Variants in MTUS2 observed in about 807,000 individuals in gnomAD.
The protein encoded by MTUS2 is microtubule associated scaffold protein 2, also known as microtubule-associated tumor suppressor candidate 2.
Under a neutral mutation model 114.1 loss-of-function variants are expected in MTUS2, and 40 were observed. The observed-to-expected ratio is 0.35, with a 90% CI of 0.27 to 0.46. The LOEUF (loss-of-function observed/expected upper bound fraction) is 0.46, where lower values mean the gene tolerates loss of function less well. Among genes scored for constraint, MTUS2 ranks in the 20% least tolerant of loss-of-function variants. The probability of loss-of-function intolerance (pLI) is 1.00; values close to 1 mark genes in which losing one functional copy is unlikely to be tolerated. For missense variants in MTUS2, 1,679 were observed against 1,705.4 expected (o/e 0.98, Z 0.27); for synonymous variants, 688 against 672.0 (o/e 1.02, Z -0.37).
chr13:29,358,085 G>C lies in MTUS2; in HGVS notation c.2906-1177G>C, dbSNP rs1869900498. Among the ~76,000 whole-genome samples the C allele has an allele frequency of 7.9e-5, 12 of 152,260 alleles. No homozygotes were observed. In the South Asian group the frequency reaches 2.5e-3, roughly 32 times the overall value. On this transcript the variant is annotated intron_variant, in intron 7 of 15. Coordinates refer to ENST00000612955, the MANE Select transcript of MTUS2 (RefSeq NM_001033602.4). Reference sequence around the variant, plus strand: ...ACATTTGAAATATTAGTGGATTTATGATTGTGCTGGTCAGTGTCTGTGTCA... The same window carrying C: ...ACATTTGAAATATTAGTGGATTTATCATTGTGCTGGTCAGTGTCTGTGTCA...
intron 2 of MTUS2, among the ~76,000 whole-genome samples, chr13:28,909,440 C>T (rs1470429149): frequency 6.6e-6 from 1 of 152,068 alleles, no homozygotes; most frequent in Non-Finnish European, 1.5e-5. Flanking sequence ...GTATTTTATT[C>T]TCTTTGAAGC....
intron 9 of MTUS2, among the ~76,000 whole-genome samples, chr13:29,450,171 A>T (rs1878587299): frequency 6.6e-6 from 1 of 152,182 alleles, no homozygotes; most frequent in African/African-American, 2.4e-5. Flanking sequence ...CAGGAACTGC[A>T]CTTGACTATA....
intron 5 of MTUS2, among the ~76,000 whole-genome samples, chr13:29,247,508 C>A (rs1175059694): frequency 6.6e-6 from 1 of 152,162 alleles, no homozygotes; most frequent in East Asian, 1.9e-4. Flanking sequence ...AACTATGCAT[C>A]TGATAAAGGA....
intron 7 of MTUS2, among the ~76,000 whole-genome samples, chr13:29,325,558 GGAA>G (rs200961450): frequency 3.5e-4 from 50 of 144,890 alleles, no homozygotes; most frequent in African/African-American, 1.0e-3. Context: ...AGGAAGAAGA[GGAA>G]GAAGAAGAAG....
At chr13:29,402,649 G>A (rs9551670) in intron 8 of MTUS2, among the ~76,000 whole-genome samples, 25,415 of 152,102 alleles carry the variant, frequency 0.17, 2,825 homozygotes, top group African/African-American at 0.32. Flanking sequence ...AGTTGCCAGA[G>A]CTATTTTGTC....
chr13:29,374,239 G>C (rs148846398), intron 8 of MTUS2, among the ~76,000 whole-genome samples: 1 of 152,138 alleles, frequency 6.6e-6, no homozygotes, highest in Non-Finnish European at 1.5e-5. Context: ...TGTAATAGGC[G>C]TTCCAGAGAG....
At chr13:29,389,400 TATGTATACAC>T in intron 8 of MTUS2, among the ~76,000 whole-genome samples, 1 of 77,008 alleles carries the variant, frequency 1.3e-5, no homozygotes, top group Admixed American at 1.2e-4. Flanking sequence ...TGTGTGTATA[TATGTATACAC>T]GTGTGTGTGT....
At position 28,968,549 on chromosome 13, in the gene MTUS2, CAACTTAACA is replaced by C. The variant is rs552866431; in HGVS notation, c.-242-55907_-242-55899del. Among the ~76,000 whole-genome samples the C allele has an allele frequency of 7.8e-4, 118 of 152,238 alleles. 1 individual carries two copies. The East Asian group carries it at 0.016, about 21-fold the overall frequency. On this transcript the variant is annotated intron_variant, in intron 2 of 15. Coordinates refer to ENST00000612955, the MANE Select transcript of MTUS2 (RefSeq NM_001033602.4). Reference sequence around the variant, plus strand: ...AAGGAATCTAAAGTTCCTGGGATTTCAACTTAACAGGTTAGAACTTGGACTGGATGAGAT... The same window carrying C: ...AAGGAATCTAAAGTTCCTGGGATTTCGGTTAGAACTTGGACTGGATGAGAT...
intron 5 of MTUS2, among the ~76,000 whole-genome samples, chr13:29,145,467 C>T (rs541331502): frequency 6.6e-6 from 1 of 152,198 alleles, no homozygotes; most frequent in Non-Finnish European, 1.5e-5. Context: ...TTGCAGTGAA[C>T]CGAGATTGTG....
chr13:29,330,422 A>G (rs1418909879), intron 7 of MTUS2, among the ~76,000 whole-genome samples: 1 of 152,166 alleles, frequency 6.6e-6, no homozygotes, highest in African/African-American at 2.4e-5. Flanking sequence ...TTTGCTGTGC[A>G]GAAGATCTTT....
At chr13:29,333,022 C>A (rs7991333) in intron 7 of MTUS2, among the ~76,000 whole-genome samples, 5,330 of 152,002 alleles carry the variant, frequency 0.035, 292 homozygotes, top group African/African-American at 0.12. Context: ...TATAAATTTC[C>A]CTCTAAACAC....
intron 2 of MTUS2, among the ~76,000 whole-genome samples, chr13:29,005,018 C>T (rs567852429): frequency 6.6e-6 from 1 of 152,164 alleles, no homozygotes; most frequent in Non-Finnish European, 1.5e-5. Flanking sequence ...ACTTCACCAA[C>T]ACCTCGTGCC....
At chr13:29,386,569 A>AGG (rs1872644848) in intron 8 of MTUS2, among the ~76,000 whole-genome samples, 1 of 152,206 alleles carries the variant, frequency 6.6e-6, no homozygotes, top group Admixed American at 6.5e-5. Context: ...TGCCTCAAGG[A>AGG]GGAGGCCTGG....
At chr13:28,909,673 G>T (rs994922217) in intron 2 of MTUS2, among the ~76,000 whole-genome samples, 2 of 152,130 alleles carry the variant, frequency 1.3e-5, no homozygotes, top group Non-Finnish European at 2.9e-5. Flanking sequence ...TGGAAGTTCT[G>T]GCCAGGGCAA....
chr13:29,201,197 A>G (rs1055632897), intron 5 of MTUS2, among the ~76,000 whole-genome samples: 1 of 152,118 alleles, frequency 6.6e-6, no homozygotes, highest in Non-Finnish European at 1.5e-5. Context: ...GTGCTCCTGT[A>G]TTGGGTGCAT....
chr13:28,896,282 G>A (rs1316210996), intron 2 of MTUS2, among the ~76,000 whole-genome samples: 1 of 152,116 alleles, frequency 6.6e-6, no homozygotes, highest in Non-Finnish European at 1.5e-5. Context: ...GCCAAATCAT[G>A]AGTGAACTCC....
chr13:28,887,911 C>G (rs966891222), intron 2 of MTUS2, among the ~76,000 whole-genome samples: 2 of 152,156 alleles, frequency 1.3e-5, no homozygotes, highest in Non-Finnish European at 2.9e-5. Context: ...TGGTTAACTT[C>G]CTCTGTCCTA....
intron 7 of MTUS2, among the ~76,000 whole-genome samples, chr13:29,345,883 G>A (rs529111613): frequency 6.6e-6 from 1 of 151,946 alleles, no homozygotes; most frequent in Non-Finnish European, 1.5e-5. Context: ...TCCCCTAGGG[G>A]TGGGGCTTCC....
rs142669657 is a variant in MTUS2 at position 28,964,378 on chromosome 13, G to A, written c.-242-60079G>A. Among the ~76,000 whole-genome samples, 37 of 152,244 alleles carry A rather than the reference G, an allele frequency of 2.4e-4. No individual in the cohort carries two copies. The South Asian group carries it at 2.7e-3, about 11-fold the overall frequency. ...TCCTCTCATCTGGTCTTTATTCTGT[G>A]ATTAAGAGAAATTTGAAAATGTAAA... On this transcript the variant is annotated intron_variant, in intron 2 of 15. Coordinates refer to ENST00000612955, the MANE Select transcript of MTUS2 (RefSeq NM_001033602.4).
Sources: gnomAD v4.1 joint callset for allele counts (sites outside exome capture counted in the v4.1 genomes callset) on GRCh38, gnomAD v4.1.1 for gene constraint, MANE v1.5 for transcripts, NCBI Gene and HGNC (gene_info 2026-07-23, HGNC 2026-07-21) for gene names.